Variants in PTPRM observed in about 807,000 individuals in gnomAD.
The protein encoded by PTPRM is protein tyrosine phosphatase receptor type M.
Under a neutral mutation model 186.7 loss-of-function variants are expected in PTPRM, and 47 were observed. That is an observed-to-expected ratio of 0.25 (90% CI 0.20 to 0.32). PTPRM has a LOEUF of 0.32. Among genes scored for constraint, PTPRM ranks in the 10% least tolerant of loss-of-function variants. PTPRM has a pLI of 1.00. For missense variants in PTPRM, 1,494 were observed against 1,865.0 expected, an observed-to-expected ratio of 0.80 and a Z score of 3.66; for synonymous variants, 668 against 674.9, an observed-to-expected ratio of 0.99 and a Z score of 0.16.
chr18:7,577,138 A>G (rs1437546554), intron 1 of PTPRM, among the ~76,000 whole-genome samples: 1 of 152,180 alleles, frequency 6.6e-6, no homozygotes, highest in Non-Finnish European at 1.5e-5. Flanking sequence ...TAACCTTAAC[A>G]ATAGAACCAG....
At chr18:8,199,969 T>A (rs551458332) in intron 14 of PTPRM, among the ~76,000 whole-genome samples, 2 of 152,246 alleles carry the variant, frequency 1.3e-5, no homozygotes, top group Admixed American at 1.3e-4. Flanking sequence ...TGTTGTTAAA[T>A]AATATATGGG....
chr18:7,652,684 A>T (rs529928173), intron 1 of PTPRM, among the ~76,000 whole-genome samples: 2 of 144,744 alleles, frequency 1.4e-5, no homozygotes, highest in South Asian at 4.4e-4. Flanking sequence ...ATTCTCACTC[A>T]TAGGTGGGAA....
At chr18:8,265,954 T>A (rs757668908) in intron 19 of PTPRM, among the ~76,000 whole-genome samples, 5 of 152,118 alleles carry the variant, frequency 3.3e-5, no homozygotes, top group African/African-American at 4.8e-5. Context: ...CTGTTGGAGA[T>A]CTGTGTGGGG....
In PTPRM at chr18:8,063,319, C is replaced by T. The variant is rs866792712; in HGVS notation, c.1133-6367C>T. 4.4e-4 allele frequency among the ~76,000 whole-genome samples: 66 copies of T among 150,154 alleles called. 2 individuals are homozygous for T. In the Middle Eastern group the frequency reaches 0.01, roughly 23 times the overall value. On this transcript the variant is annotated intron_variant, in intron 7 of 32. Coordinates refer to ENST00000580170, the MANE Select transcript of PTPRM (RefSeq NM_001105244.2). ...CAATGCCTCGCCCTGCTTCGGCTTG[C>T]GCACACCCACTGGCCTGCGCCCACT...
intron 14 of PTPRM, among the ~76,000 whole-genome samples, chr18:8,155,442 T>C (rs2093100797): frequency 6.6e-6 from 1 of 152,208 alleles, no homozygotes; most frequent in Admixed American, 6.5e-5. Flanking sequence ...AAATAGCAAG[T>C]GGTAGCTATT....
chr18:8,368,636 G>A (rs897899529), intron 23 of PTPRM, among the ~76,000 whole-genome samples: 1 of 152,146 alleles, frequency 6.6e-6, no homozygotes, highest in African/African-American at 2.4e-5. Context: ...TCACAAGGAG[G>A]CAGCTGAAAT....
chr18:8,215,795 GC>G (rs1453235387), intron 14 of PTPRM, among the ~76,000 whole-genome samples: 1 of 151,946 alleles, frequency 6.6e-6, no homozygotes, highest in Admixed American at 6.6e-5. Flanking sequence ...GGATCCTCCT[GC>G]CTTGACCTCC....
chr18:8,366,066 C>T (rs1053892103), intron 23 of PTPRM, among the ~76,000 whole-genome samples: 8 of 152,112 alleles, frequency 5.3e-5, no homozygotes, highest in Admixed American at 4.6e-4. Flanking sequence ...ATGGCCTGGG[C>T]TGTAGAATTT....
intron 2 of PTPRM, among the ~76,000 whole-genome samples, chr18:7,813,645 T>G (rs1031770094): frequency 2.0e-5 from 3 of 152,212 alleles, no homozygotes; most frequent in African/African-American, 7.2e-5. Flanking sequence ...TAGTTTTGTC[T>G]GTTAATTTCT....
chr18:7,958,151 A>G (rs2053433245), intron 7 of PTPRM, among the ~76,000 whole-genome samples: 1 of 150,912 alleles, frequency 6.6e-6, no homozygotes, highest in Non-Finnish European at 1.5e-5. Flanking sequence ...TGAATCTACA[A>G]TATCATCCAT....
chr18:8,111,299 T>C (rs560216626), intron 11 of PTPRM, among the ~76,000 whole-genome samples: 1 of 152,262 alleles, frequency 6.6e-6, no homozygotes, highest in East Asian at 1.9e-4. Flanking sequence ...GAAAAACGAT[T>C]TGAAGGAAGT....
At chr18:8,397,253 C>T (rs914613654) in intron 32 of PTPRM, among the ~76,000 whole-genome samples, 1 of 152,242 alleles carries the variant, frequency 6.6e-6, no homozygotes. Context: ...CCGTTCAGAA[C>T]AGGCAAATGC....
At chr18:7,874,471 C>T (rs971597065) in intron 2 of PTPRM, among the ~76,000 whole-genome samples, 2 of 151,364 alleles carry the variant, frequency 1.3e-5, no homozygotes, top group Non-Finnish European at 2.9e-5. Flanking sequence ...GAAAGCTGAT[C>T]GATCATTCAT....
At chr18:8,319,032 CAGT>C in intron 21 of PTPRM, 143 bp from the exon 22 acceptor site, 1 of 608,008 alleles carries the variant, frequency 1.6e-6, no homozygotes, top group East Asian at 3.0e-5. Flanking sequence ...AAGAGAAACT[CAGT>C]GGTGCTGGGT....
rs593950 is a variant in PTPRM at position 8,387,221 on chromosome 18, G to T, written c.4194G>T (p.Thr1398=). Residue 1398 remains threonine (T), a synonymous_variant, in exon 31 of 33, where the codon ACG becomes ACT. Transcript: ENST00000580170. ...QEEYNGGEGR[T]VVHCLNGGGR... Reference sequence around the variant, plus strand: ...AGTACAATGGCGGGGAAGGCCGCACGGTTGTGCACTGCTTGTAAGTGCTTG... The same window carrying T: ...AGTACAATGGCGGGGAAGGCCGCACTGTTGTGCACTGCTTGTAAGTGCTTG... 3.1e-6 allele frequency: 5 copies of T among 1,613,594 alleles called. No individual in the cohort carries two copies. In the Admixed American group the frequency reaches 5.0e-5, roughly 16 times the overall value.
At chr18:7,631,296 C>T (rs1424564339) in intron 1 of PTPRM, among the ~76,000 whole-genome samples, 1 of 152,056 alleles carries the variant, frequency 6.6e-6, no homozygotes, top group Non-Finnish European at 1.5e-5. Flanking sequence ...AAAACCTGTG[C>T]TAATTTCTTT....
intron 22 of PTPRM, among the ~76,000 whole-genome samples, chr18:8,337,935 A>C (rs2095449683): frequency 6.6e-6 from 1 of 152,168 alleles, no homozygotes; most frequent in Non-Finnish European, 1.5e-5. Context: ...TATGCAGGAA[A>C]ATGACATGTG....
chr18:8,334,449 C>T (rs1309713781), intron 22 of PTPRM, among the ~76,000 whole-genome samples: 1 of 152,116 alleles, frequency 6.6e-6, no homozygotes, highest in African/African-American at 2.4e-5. Context: ...TTAGGGCCTG[C>T]CCCCTGCCCT....
At chr18:8,131,825 A>G (rs549946429) in intron 13 of PTPRM, among the ~76,000 whole-genome samples, 1 of 152,316 alleles carries the variant, frequency 6.6e-6, no homozygotes, top group African/African-American at 2.4e-5. Flanking sequence ...TGTTTAGAGG[A>G]ATAAATAACT....
Sources: gnomAD v4.1 joint callset for allele counts (sites outside exome capture counted in the v4.1 genomes callset) on GRCh38, gnomAD v4.1.1 for gene constraint, MANE v1.5 for transcripts, NCBI Gene and HGNC (gene_info 2026-07-23, HGNC 2026-07-21) for gene names.